ZNF436: variants seen among roughly 807,000 people sequenced by gnomAD.
ZNF436 encodes the protein zinc finger protein 436.
Under a neutral mutation model 41.9 loss-of-function variants are expected in ZNF436, and 22 were observed. The ratio of observed to expected loss-of-function variants is 0.53; its 90% CI spans 0.38 to 0.75. The LOEUF (loss-of-function observed/expected upper bound fraction) is 0.75. ZNF436 is among the 30% of genes least tolerant of loss of function. ZNF436 has a pLI of 0.00. For missense variants in ZNF436, 506 were observed against 587.3 expected (o/e 0.86, Z 1.43); for synonymous variants, 217 against 197.8 (o/e 1.10, Z -0.82).
At position 23,362,142 on chromosome 1, in the gene ZNF436, C is replaced by G. The variant is rs753289944; in HGVS notation, c.1240G>C (p.Gly414Arg). The G allele has an allele frequency of 3.1e-5, 50 of 1,614,012 alleles. No individual in the cohort carries two copies. Among genetic ancestry groups the G allele is most frequent in the Non-Finnish European group, 3.9e-5 (46 of 1,180,022 alleles). ...DLIKHQRTHT[G>R]EKPYECVQCG... Reference sequence around the variant, plus strand: ...TGCACACACTCGTAGGGCTTCTCCCCTGTGTGGGTTCTCTGATGTTTAATT... The same window carrying G: ...TGCACACACTCGTAGGGCTTCTCCCGTGTGTGGGTTCTCTGATGTTTAATT... The change falls in exon 4 of 4, where the codon GGG becomes CGG. Residue 414 changes from glycine (G) to arginine (R), a missense_variant. Coordinates refer to ENST00000314011, the MANE Select transcript of ZNF436 (RefSeq NM_001077195.2).
At position 23,362,068 on chromosome 1, in the gene ZNF436, T is replaced by C; in HGVS notation, c.1314A>G (p.Arg438=). The change falls in exon 4 of 4, where the codon AGA becomes AGG. Residue 438 remains arginine, a synonymous_variant. Transcript: ENST00000314011. ...CATAAGGTTTCTCTCCCGTGTGAAC[T>C]CTTTGATGTGTGATGAGGTTGGAGC... is the stretch of plus-strand genomic sequence containing the variant. The part of the protein sequence containing the change: ...TQSSNLITHQ[R]VHTGEKPYEC... 1 of 1,614,168 alleles carries C rather than the reference T, an allele frequency of 6.2e-7. No homozygotes were observed. Among genetic ancestry groups the C allele is most frequent in the Non-Finnish European group, 8.5e-7 (1 of 1,180,024 alleles).
chr1:23,368,266 G>A, intron 1 of ZNF436: 3 of 502,166 alleles, frequency 6.0e-6, no homozygotes, highest in Non-Finnish European at 7.1e-6. Context: ...TACTAGGACA[G>A]CCCCCTGGCT....
chr1:23,369,342 C>T (rs1158690298), intron 1 of ZNF436, 24 bp downstream of exon 1: 3 of 531,762 alleles, frequency 5.6e-6, no homozygotes, highest in South Asian at 4.2e-5. Context: ...GCCGAAAACC[C>T]GAGTGGGGGA....
In ZNF436 at chr1:23,367,892, C is replaced by T. The variant is rs1638397006; in HGVS notation, c.33+81G>A. On this transcript the variant is annotated intron_variant, in intron 2 of 3. Transcript: ENST00000314011. ...CGAATTACTAATCCCAGGGAATTTC[C>T]CACAGGGACTTGCAGAGCAGAGAAA... 4.6e-6 allele frequency: 7 copies of T among 1,515,746 alleles called. No homozygotes were observed. The highest frequency in any genetic ancestry group is 6.4e-6 in the Non-Finnish European group (7 of 1,095,644). The allele number at this position is 1,515,746 out of a possible 1,614,324, so 93.9% of individuals were successfully genotyped here. A position where few individuals can be genotyped will look rare whatever the true frequency, so the allele number is the denominator to read the frequency against.
rs1180765730 is a variant in ZNF436, at chr1:23,367,023, A to G, written c.160+19T>C. ...ATCTCAAAAACGTGGAGGCAAAGAAAGGTAGAATCCTTACTTACCTAGTGA... is the reference window on the plus strand; with the variant it reads ...ATCTCAAAAACGTGGAGGCAAAGAAGGGTAGAATCCTTACTTACCTAGTGA... On this transcript the variant is annotated intron_variant, in intron 3 of 3. Transcript: ENST00000314011. 1 of 1,604,308 alleles carries G rather than the reference A, an allele frequency of 6.2e-7. No homozygotes were observed. The highest frequency in any genetic ancestry group is 8.5e-7 in the Non-Finnish European group (1 of 1,176,134).
At chr1:23,364,954 T>C (rs1402225678) in intron 3 of ZNF436, among the ~76,000 whole-genome samples, 1 of 152,144 alleles carries the variant, frequency 6.6e-6, no homozygotes, top group Non-Finnish European at 1.5e-5. Context: ...TAAGGAATCC[T>C]GAGGTAAAAA....
In ZNF436 at chr1:23,361,698, A is replaced by G. The variant is rs1638231966; in HGVS notation, c.*271T>C. ...TTTCCAGGCCTAAGCATTCACCAGC[A>G]TTTGTCCCCTGGTCTTCAGATTTCC... On this transcript the variant is annotated 3_prime_UTR_variant, in exon 4 of 4. Transcript: ENST00000314011. The G allele has an allele frequency of 2.9e-6, 1 of 348,750 alleles. No homozygotes were observed. Among genetic ancestry groups the G allele is most frequent in the African/African-American group, 2.1e-5 (1 of 47,242 alleles). The allele number at this position is 348,750 out of a possible 1,614,324, so 21.6% of individuals were successfully genotyped here.
chr1:23,361,376 A>G lies in ZNF436; in HGVS notation c.*593T>C, dbSNP rs576564139. ...CAAAGATGCAAGCTTTAAAGGAGCT[A>G]ATTAGAAACAATGAGAAGGAGAAAA... On this transcript the variant is annotated 3_prime_UTR_variant, in exon 4 of 4. Coordinates refer to ENST00000314011, the MANE Select transcript of ZNF436 (RefSeq NM_001077195.2). 6.5e-6 allele frequency: 1 copy of G among 152,880 alleles called. No homozygotes were observed. Among genetic ancestry groups the G allele is most frequent in the South Asian group, 2.1e-4 (1 of 4,830 alleles). 9.5% of individuals were successfully genotyped at this position (152,880 alleles called of 1,614,324 possible).
At chr1:23,367,897 G>A (rs1419523947) in intron 2 of ZNF436, 76 bp downstream of exon 2, 1 of 1,534,704 alleles carries the variant, frequency 6.5e-7, no homozygotes, top group Non-Finnish European at 9.0e-7. Context: ...ATTTCCCACA[G>A]GGACTTGCAG....
Position 23,369,571 on chromosome 1 carries a change from A to C in ZNF436, c.-266T>G. The C allele has an allele frequency of 1.9e-6, 1 of 533,002 alleles. No individual in the cohort carries two copies. Among genetic ancestry groups the C allele is most frequent in the Non-Finnish European group, 3.9e-6 (1 of 258,626 alleles). 33.0% of individuals were successfully genotyped at this position (533,002 alleles called of 1,614,324 possible). Reference sequence around the variant, plus strand: ...GCCCAGATATCGTAGGCTGATCCTAAAGACTCAGATTCCCGAGGCCTCAGA... The same window carrying C: ...GCCCAGATATCGTAGGCTGATCCTACAGACTCAGATTCCCGAGGCCTCAGA... On this transcript the variant is annotated 5_prime_UTR_variant, in exon 1 of 4. Coordinates refer to ENST00000314011, the MANE Select transcript of ZNF436 (RefSeq NM_001077195.2).
intron 3 of ZNF436, among the ~76,000 whole-genome samples, chr1:23,366,551 TATC>T (rs1158645920): frequency 2.0e-5 from 3 of 152,202 alleles, no homozygotes; most frequent in African/African-American, 4.8e-5. Context: ...ACTACAAATC[TATC>T]ATCATCAACA....
chr1:23,368,269 C>T, intron 1 of ZNF436: 1 of 490,782 alleles, frequency 2.0e-6, no homozygotes. Context: ...TAGGACAGCC[C>T]CCTGGCTGGG....
chr1:23,362,939 C>G lies in ZNF436; in HGVS notation c.443G>C (p.Ser148Thr). 1 of 1,614,230 alleles carries G rather than the reference C, an allele frequency of 6.2e-7. No individual in the cohort carries two copies. The highest frequency in any genetic ancestry group is 8.5e-7 in the Non-Finnish European group (1 of 1,180,048). Residue 148 changes from serine to threonine, a missense_variant, in exon 4 of 4, where the codon AGT (serine) becomes ACT (threonine). Ser to Thr is a moderately conservative substitution (Grantham distance 58). Transcript: ENST00000314011. ...HICSHCGKAF[S>T]QISDLNRHQK... Reference sequence around the variant, plus strand: ...ATGTCGATTAAGGTCTGAGATCTGACTGAAGGCCTTTCCACAATGAGAACA... The same window carrying G: ...ATGTCGATTAAGGTCTGAGATCTGAGTGAAGGCCTTTCCACAATGAGAACA...
At position 23,368,060 on chromosome 1, in the gene ZNF436, ACAGCGCTGAAGGAGG is replaced by A; in HGVS notation, c.-60-10_-56del. On this transcript the variant is annotated splice_acceptor_variant and splice_polypyrimidine_tract_variant and 5_prime_UTR_variant and intron_variant, in exon 2 of 4. Transcript: ENST00000314011. LOFTEE classifies it low-confidence loss of function (5UTR_SPLICE). ...AGAGAGCAGGAAAAGCAGCTAGCAG[ACAGCGCTGAAGGAGG>A]CGAAAAGCAGGGCGTGAGGCACGGA... 1 of 1,607,198 alleles carries A rather than the reference ACAGCGCTGAAGGAGG, an allele frequency of 6.2e-7. No individual in the cohort carries two copies. The highest frequency in any genetic ancestry group is 1.7e-5 in the Admixed American group (1 of 59,860).
chr1:23,360,471 T>C lies in ZNF436; in HGVS notation c.*1498A>G, dbSNP rs1214164745. 1 of 152,250 alleles carries C rather than the reference T, an allele frequency of 6.6e-6. No homozygotes were observed. 9.4% of individuals were successfully genotyped at this position (152,250 alleles called of 1,614,324 possible). ...TCCCTTCCACCCCAACATGCTTGGA[T>C]AGCATCAACACTTGAGATATTTCTT... On this transcript the variant is annotated 3_prime_UTR_variant, in exon 4 of 4. Transcript: ENST00000314011.
rs1234657611 is a variant in ZNF436, at chr1:23,359,601, G to A, written c.*2368C>T. 5 of 152,616 alleles carry A rather than the reference G, an allele frequency of 3.3e-5. No homozygotes were observed. The highest frequency in any genetic ancestry group is 4.4e-5 in the Non-Finnish European group (3 of 68,040). 9.5% of individuals were successfully genotyped at this position (152,616 alleles called of 1,614,324 possible). Reference sequence around the variant, plus strand: ...TAGAAAACAGGCACAAAGTGTTCACGGGATGTGCAGAGGCAGCCAGGGACT... The same window carrying A: ...TAGAAAACAGGCACAAAGTGTTCACAGGATGTGCAGAGGCAGCCAGGGACT... On this transcript the variant is annotated 3_prime_UTR_variant, in exon 4 of 4. Transcript: ENST00000314011.
rs760203633 is a variant in ZNF436, at chr1:23,369,379, A to G, written c.-74T>C. ...GAACAGACTTACCTCCTGTCCCGCA[A>G]AAGATCCACTAGATCGTCGTCTCCA... On this transcript the variant is annotated 5_prime_UTR_variant, in exon 1 of 4. Transcript: ENST00000314011. The G allele has an allele frequency of 3.7e-6, 2 of 534,648 alleles. No individual in the cohort carries two copies. Among genetic ancestry groups the G allele is most frequent in the South Asian group, 1.4e-5 (1 of 71,590 alleles). The allele number at this position is 534,648 out of a possible 1,614,324, so 33.1% of individuals were successfully genotyped here.
chr1:23,364,592 A>C (rs1241782054), intron 3 of ZNF436, among the ~76,000 whole-genome samples: 1 of 152,246 alleles, frequency 6.6e-6, no homozygotes, highest in African/African-American at 2.4e-5. Context: ...GTCATAGTTG[A>C]CAGAAAAGTG....
At chr1:23,365,006 C>T (rs1311126316) in intron 3 of ZNF436, among the ~76,000 whole-genome samples, 2 of 152,136 alleles carry the variant, frequency 1.3e-5, no homozygotes, top group Non-Finnish European at 2.9e-5. Context: ...CCTCTAATCC[C>T]AGCACTTTGG....
Sources: allele counts gnomAD v4.1 joint callset (sites outside exome capture counted in the v4.1 genomes callset), GRCh38; gene constraint gnomAD v4.1.1; transcripts MANE v1.5; gene names NCBI Gene and HGNC (gene_info 2026-07-23, HGNC 2026-07-21).